The following UBN2 variants were observed in gnomAD, a reference collection of about 807,000 sequenced individuals.
UBN2 encodes ubinuclein 2.
Under a neutral mutation model 120.2 loss-of-function variants are expected in UBN2, and 35 were observed. The ratio of observed to expected loss-of-function variants is 0.29; its 90% CI spans 0.22 to 0.39. The LOEUF (loss-of-function observed/expected upper bound fraction) is 0.39. Ranked by LOEUF, UBN2 falls within the 10% of genes least tolerant of loss-of-function variation. The probability of loss-of-function intolerance (pLI) is 1.00; values close to 1 mark genes in which losing one functional copy is unlikely to be tolerated. For missense variants in UBN2, 1,693 were observed against 1,663.2 expected (o/e 1.02, Z -0.31); for synonymous variants, 661 against 648.7 (o/e 1.02, Z -0.29).
In UBN2 at chr7:139,295,753, C is replaced by G. The variant is rs143806349; in HGVS notation, c.3994+1772C>G. ...TGGTCAACATGGTGAAACACTATCT[C>G]TACAAAAAATACAGAAAATTTTCTG... On this transcript the variant is annotated intron_variant, in intron 17 of 17. Coordinates refer to ENST00000473989, the MANE Select transcript of UBN2 (RefSeq NM_173569.4). Among the ~76,000 whole-genome samples the G allele has an allele frequency of 1.1e-4, 16 of 152,284 alleles. No homozygotes were observed. In the East Asian group the frequency reaches 1.9e-3, roughly 18 times the overall value.
At chr7:139,277,844 CTA>C (rs1797489785) in intron 12 of UBN2, 1 of 152,128 alleles carries the variant, frequency 6.6e-6, no homozygotes, top group Admixed American at 6.5e-5. Context: ...CCTACATAGA[CTA>C]TTTTTTCCTA....
Position 139,302,427 on chromosome 7 carries a change from T to G in UBN2, c.*4591T>G, listed in dbSNP as rs1050486436. The G allele has an allele frequency of 6.6e-6, 1 of 152,312 alleles. No homozygotes were observed. The highest frequency in any genetic ancestry group is 2.4e-5 in the African/African-American group (1 of 41,454). The allele number at this position is 152,312 out of a possible 1,614,324, so 9.4% of individuals were successfully genotyped here. A position where few individuals can be genotyped will look rare whatever the true frequency, so the allele number is the denominator to read the frequency against. On this transcript the variant is annotated 3_prime_UTR_variant, in exon 18 of 18. Transcript: ENST00000473989. ...TCGGCCGGGTGCGGTGGCTCACGCCTGTAATCCCAGCTCTTTGGGAGGCTG... is the reference window on the plus strand; with the variant it reads ...TCGGCCGGGTGCGGTGGCTCACGCCGGTAATCCCAGCTCTTTGGGAGGCTG...
chr7:139,234,448 G>A (rs904084027), intron 1 of UBN2, among the ~76,000 whole-genome samples: 1 of 152,086 alleles, frequency 6.6e-6, no homozygotes, highest in African/African-American at 2.4e-5. Flanking sequence ...GTATTAATGA[G>A]GAAAGCACAA....
the UBN2 span, among the ~76,000 whole-genome samples, chr7:139,319,025 C>T: frequency 6.6e-6 from 1 of 152,136 alleles, no homozygotes; most frequent in Non-Finnish European, 1.5e-5. Flanking sequence ...CAGCAATTCC[C>T]TGTCTTTGGG....
At chr7:139,241,853 C>T (rs899886478) in intron 2 of UBN2, among the ~76,000 whole-genome samples, 5 of 152,092 alleles carry the variant, frequency 3.3e-5, no homozygotes, top group African/African-American at 4.8e-5. Flanking sequence ...CAAAAATTAG[C>T]TGGGCATGGT....
rs1312150718 is a variant in UBN2 at position 139,299,057 on chromosome 7, G to A, written c.*1221G>A. ...AGCTTCACTATTTACTCAGTGTATT[G>A]GTATGTGAGTAAATCTGCAGAAAAT... On this transcript the variant is annotated 3_prime_UTR_variant, in exon 18 of 18. Coordinates refer to ENST00000473989, the MANE Select transcript of UBN2 (RefSeq NM_173569.4). 2.0e-5 allele frequency: 3 copies of A among 152,068 alleles called. No individual in the cohort carries two copies. The highest frequency in any genetic ancestry group is 1.9e-4 in the East Asian group (1 of 5,198). 9.4% of individuals were successfully genotyped at this position (152,068 alleles called of 1,614,324 possible). A position where few individuals can be genotyped will look rare whatever the true frequency, so the allele number is the denominator to read the frequency against.
At chr7:139,276,435 T>C (rs1170812213) in intron 12 of UBN2, 1 of 408,492 alleles carries the variant, frequency 2.4e-6, no homozygotes, top group African/African-American at 2.0e-5. Context: ...CTGCCAGTCT[T>C]TTTCTCCACC....
chr7:139,247,704 G>A (rs1039721348), intron 2 of UBN2, among the ~76,000 whole-genome samples: 6 of 152,276 alleles, frequency 3.9e-5, no homozygotes, highest in Admixed American at 2.0e-4. Flanking sequence ...AGTAACTTGT[G>A]AATTTCTTGC....
chr7:139,272,292 T>A, intron 8 of UBN2, 30 bp from the exon 9 acceptor site: 6 of 1,536,400 alleles, frequency 3.9e-6, no homozygotes, highest in Non-Finnish European at 5.3e-6. Flanking sequence ...ATATGTCTGA[T>A]AAAAACTTCT....
intron 2 of UBN2, among the ~76,000 whole-genome samples, chr7:139,250,327 A>C (rs1686745845): frequency 6.6e-6 from 1 of 151,926 alleles, no homozygotes; most frequent in Non-Finnish European, 1.5e-5. Flanking sequence ...CCGCCTCCCC[A>C]GTTCAAGTGA....
At chr7:139,287,705 G>A (rs1797831204) in intron 15 of UBN2, among the ~76,000 whole-genome samples, 1 of 147,910 alleles carries the variant, frequency 6.8e-6, no homozygotes, top group Non-Finnish European at 1.5e-5. Context: ...TGGTTTGACT[G>A]AAGAAAAGAT....
rs1352843797 is a variant in UBN2, at chr7:139,293,925, A to G, written c.3938A>G (p.His1313Arg). The change falls in exon 17 of 18, where the codon CAT becomes CGT. Residue 1313 changes from histidine to arginine, a missense_variant. This residue lies in a region of UBN2 where 837 missense variants were observed against 817.6 expected (regional missense o/e 1.02). Transcript: ENST00000473989. ...LKGLQPGGAQ[H>R]AATLSHSPLP... The stretch of plus-strand genomic sequence containing the variant: ...GGTTTACAGCCAGGAGGAGCTCAGC[A>G]TGCAGCAACGCTTTCCCACTCACCT... 2 of 1,614,168 alleles carry G rather than the reference A, an allele frequency of 1.2e-6. No homozygotes were observed. The highest frequency in any genetic ancestry group is 3.3e-5 in the Admixed American group (2 of 60,028).
chr7:139,252,272 G>GTTAT (rs1796644336), intron 3 of UBN2, among the ~76,000 whole-genome samples: 1 of 149,484 alleles, frequency 6.7e-6, no homozygotes, highest in Admixed American at 6.7e-5. Flanking sequence ...GTGGTGAATT[G>GTTAT]TTATTACATT....
At chr7:139,291,244 C>T (rs1797947592) in intron 15 of UBN2, among the ~76,000 whole-genome samples, 1 of 151,092 alleles carries the variant, frequency 6.6e-6, no homozygotes, top group East Asian at 1.9e-4. Flanking sequence ...ACCTGTAGTC[C>T]CAGCTACTCA....
At chr7:139,281,979 A>C (rs752058759) in intron 13 of UBN2, 26 bp from the exon 14 acceptor site, 4 of 1,609,830 alleles carry the variant, frequency 2.5e-6, no homozygotes, top group Non-Finnish European at 3.4e-6. Context: ...CAGTATTCTT[A>C]ACAGCTTGCT....
intron 7 of UBN2, 50 bp from the exon 8 acceptor site, chr7:139,269,344 C>T (rs1797193693): frequency 3.2e-6 from 5 of 1,569,194 alleles, no homozygotes; most frequent in Non-Finnish European, 4.3e-6. Flanking sequence ...TGTGCAATGC[C>T]ACCTAAAATA....
Position 139,259,300 on chromosome 7 carries a change from A to G in UBN2, c.835A>G (p.Lys279Glu). The change falls in exon 5 of 18, where the codon AAG (lysine) becomes GAG (glutamate). Residue 279 changes from lysine to glutamate, a missense_variant. This residue lies in a region of UBN2 where 663 missense variants were observed against 591.2 expected (regional missense o/e 1.12). Coordinates refer to ENST00000473989, the MANE Select transcript of UBN2 (RefSeq NM_173569.4). The part of the protein sequence containing the change: ...PKIKEDDIEM[K>E]KRKRKEEGEK... ...AATAAAAGAAGATGATATTGAGATG[A>G]AGAAGCGGAAGCGGAAAGAGGAAGG... is the stretch of plus-strand genomic sequence containing the variant. 6.2e-7 allele frequency: 1 copy of G among 1,613,950 alleles called. No homozygotes were observed. The highest frequency in any genetic ancestry group is 8.5e-7 in the Non-Finnish European group (1 of 1,179,896).
rs188503966 is a variant in UBN2 at position 139,296,545 on chromosome 7, C to G, written c.3995-1242C>G. Among the ~76,000 whole-genome samples the G allele has an allele frequency of 7.2e-5, 11 of 152,288 alleles. No homozygotes were observed. In the East Asian group the frequency reaches 2.1e-3, roughly 29 times the overall value. ...TGTCTTTGAGGCCTCATTTTTCTTG[C>G]TAAGGCCATGACCTGTTGGAGACTT... On this transcript the variant is annotated intron_variant, in intron 17 of 17. Coordinates refer to ENST00000473989, the MANE Select transcript of UBN2 (RefSeq NM_173569.4).
chr7:139,261,187 T>A, intron 5 of UBN2, 65 bp from the exon 6 acceptor site: 3 of 1,509,578 alleles, frequency 2.0e-6, no homozygotes, highest in Non-Finnish European at 2.7e-6. Context: ...TGTGCCTGCT[T>A]ATTTATGTGA....
Sources: allele counts gnomAD v4.1 joint callset (sites outside exome capture counted in the v4.1 genomes callset), GRCh38; gene constraint gnomAD v4.1.1; regional missense constraint gnomAD v4.1.1; transcripts MANE v1.5; gene names NCBI Gene and HGNC (gene_info 2026-07-23, HGNC 2026-07-21).